The following BBS2 variants were observed in gnomAD, a reference collection of about 807,000 sequenced individuals.
BBS2 encodes BBSome complex member BBS2.
Under a neutral mutation model 83.0 loss-of-function variants are expected in BBS2, and 62 were observed. The observed-to-expected ratio is 0.75, with a 90% CI of 0.61 to 0.92. The LOEUF (loss-of-function observed/expected upper bound fraction) is 0.92. BBS2 is among the 40% of genes least tolerant of loss of function. The pLI, the probability that BBS2 is intolerant of heterozygous loss-of-function variation, is 0.00. For synonymous variants in BBS2, 303 were observed against 326.1 expected (o/e 0.93, Z 0.76); for missense variants, 784 against 901.0 (o/e 0.87, Z 1.66).
At chr16:56,476,200 G>T (rs763170910) in intron 17 of BBS2, 5 of 1,610,926 alleles carry the variant, frequency 3.1e-6, no homozygotes, top group Non-Finnish European at 4.2e-6. Context: ...CATCTATTAT[G>T]AATGACAGCA....
In BBS2 at chr16:56,510,863, T is replaced by C. The variant is rs777187533; in HGVS notation, c.530A>G (p.Lys177Arg). The C allele has an allele frequency of 1.2e-6, 2 of 1,614,136 alleles. No homozygotes were observed. Among genetic ancestry groups the C allele is most frequent in the South Asian group, 2.2e-5 (2 of 91,090 alleles). Reference sequence around the variant, plus strand: ...GATATCTCCTCCCCCACATACCTCTTTCTTTCCATCACCATCAAAGTCACA... The same window carrying C: ...GATATCTCCTCCCCCACATACCTCTCTCTTTCCATCACCATCAAAGTCACA... The part of the protein sequence containing the change: ...ALCDFDGDGK[K>R]ELLVGSEDFD... The change falls in exon 4 of 17, where the codon AAA becomes AGA. Residue 177 changes from lysine to arginine, a missense_variant. Lys to Arg is a conservative substitution (Grantham distance 26). Coordinates refer to ENST00000245157, the MANE Select transcript of BBS2 (RefSeq NM_031885.5).
At chr16:56,486,069 T>C (rs2144096946) in intron 15 of BBS2, among the ~76,000 whole-genome samples, 1 of 152,304 alleles carries the variant, frequency 6.6e-6, no homozygotes, top group African/African-American at 2.4e-5. Context: ...TGAATATTCA[T>C]TAGACTAAAG....
chr16:56,500,726 T>G, intron 11 of BBS2, 128 bp downstream of exon 11: 1 of 931,122 alleles, frequency 1.1e-6, no homozygotes, highest in East Asian at 2.6e-5. Context: ...CATGAGAAAC[T>G]TTGGGTAGAC....
intron 15 of BBS2, among the ~76,000 whole-genome samples, chr16:56,490,825 G>A (rs1963929438): frequency 6.6e-6 from 1 of 151,018 alleles, no homozygotes; most frequent in African/African-American, 2.4e-5. Context: ...GCAGTGGTGC[G>A]ATCTCAGCTC....
intron 4 of BBS2, 76 bp downstream of exon 4, chr16:56,510,783 G>T: frequency 1.3e-6 from 2 of 1,498,794 alleles, no homozygotes; most frequent in Non-Finnish European, 1.9e-6. Context: ...TTACACTTCT[G>T]TCAACACTAA....
At chr16:56,475,559 T>G in intron 17 of BBS2, 1 of 1,613,874 alleles carries the variant, frequency 6.2e-7, no homozygotes, top group Non-Finnish European at 8.5e-7. Flanking sequence ...AAGGTGAAGA[T>G]GAAGAGGTAA....
intron 17 of BBS2, among the ~76,000 whole-genome samples, chr16:56,475,799 A>T (rs79204166): frequency 6.6e-6 from 1 of 152,242 alleles, no homozygotes. Context: ...CATGTGGTGC[A>T]TTCCCACAAA....
In BBS2 at chr16:56,519,884, G is replaced by A. The variant is rs528287127; in HGVS notation, c.-22C>T. 80 of 1,594,318 alleles carry A rather than the reference G, an allele frequency of 5.0e-5. No homozygotes were observed. The South Asian group carries it at 8.5e-4, about 17-fold the overall frequency. On this transcript the variant is annotated 5_prime_UTR_variant, in exon 1 of 17. Coordinates refer to ENST00000245157, the MANE Select transcript of BBS2 (RefSeq NM_031885.5). ...GCATGATGGCGGCGGCTTAGGGGAGGAGGGCTGGAAGCTGGAGACAAGCGC... is the reference window on the plus strand; with the variant it reads ...GCATGATGGCGGCGGCTTAGGGGAGAAGGGCTGGAAGCTGGAGACAAGCGC...
Position 56,519,914 on chromosome 16 carries a change from G to C in BBS2, c.-52C>G, listed in dbSNP as rs374119606. The stretch of plus-strand genomic sequence containing the variant: ...CTGGAAGCTGGAGACAAGCGCAGCG[G>C]AGCTGGCCTCACGCGCCCGGGCAAG... On this transcript the variant is annotated 5_prime_UTR_variant, in exon 1 of 17. Transcript: ENST00000245157. 1.3e-5 allele frequency: 20 copies of C among 1,509,414 alleles called. No homozygotes were observed. Among genetic ancestry groups the C allele is most frequent in the Non-Finnish European group, 1.7e-5 (19 of 1,087,054 alleles). 93.5% of individuals were successfully genotyped at this position (1,509,414 alleles called of 1,614,324 possible). A position where few individuals can be genotyped will look rare whatever the true frequency, so the allele number is the denominator to read the frequency against.
chr16:56,488,274 C>T (rs1963843304), intron 15 of BBS2, among the ~76,000 whole-genome samples: 1 of 152,108 alleles, frequency 6.6e-6, no homozygotes, highest in South Asian at 2.1e-4. Context: ...CACGATTCCC[C>T]CGGAGACACT....
intron 11 of BBS2, 166 bp downstream of exon 11, chr16:56,500,688 C>T: frequency 1.8e-6 from 1 of 564,398 alleles, no homozygotes; most frequent in Non-Finnish European, 3.1e-6. Flanking sequence ...TTTCTTTTTA[C>T]AGGTTTCAAA....
rs202054876 is a variant in BBS2 at position 56,484,802 on chromosome 16, T to A, written c.2125A>T (p.Thr709Ser). 32 of 1,614,094 alleles carry A rather than the reference T, an allele frequency of 2.0e-5. No homozygotes were observed. The East Asian group carries it at 6.9e-4, about 35-fold the overall frequency. Residue 709 changes from threonine to serine, a missense_variant, in exon 17 of 17, where the codon ACA (threonine) becomes TCA (serine). By Grantham distance (58) the Thr-to-Ser change is moderately conservative (BLOSUM62 1). Coordinates refer to ENST00000245157, the MANE Select transcript of BBS2 (RefSeq NM_031885.5). Reference sequence around the variant, plus strand: ...CCCACTCGCATGATTTTGAACAGTGTGTTGATGTTATTGCTTCGAATTGCA... The same window carrying A: ...CCCACTCGCATGATTTTGAACAGTGAGTTGATGTTATTGCTTCGAATTGCA... ...RDAIRSNNIN[T>S]LFKIMRVGTA...
In BBS2 at chr16:56,474,782, A is replaced by T. The variant is rs753873728; in HGVS notation, c.*1-4087T>A. Reference sequence around the variant, plus strand: ...GATTCCCTTGCAATCCAACAGTTCTATCAAGGTTATTTTTTAAAGTTTCTC... The same window carrying T: ...GATTCCCTTGCAATCCAACAGTTCTTTCAAGGTTATTTTTTAAAGTTTCTC... On this transcript the variant is annotated intron_variant, in intron 17 of 17. Coordinates refer to the BBS2 transcript ENST00000682047. The T allele has an allele frequency of 1.1e-5, 17 of 1,538,622 alleles. No individual in the cohort carries two copies. The East Asian group carries it at 3.6e-4, about 33-fold the overall frequency.
rs1258790581 is a variant in BBS2, at chr16:56,511,018, T to C, written c.472-97A>G. ...AGGAGAGGATTACACAAAACACGAATGAATGCTATTCGAATTATTCATATC... is the reference window on the plus strand; with the variant it reads ...AGGAGAGGATTACACAAAACACGAACGAATGCTATTCGAATTATTCATATC... On this transcript the variant is annotated intron_variant, in intron 3 of 16. Coordinates refer to ENST00000245157, the MANE Select transcript of BBS2 (RefSeq NM_031885.5). 4.5e-6 allele frequency: 7 copies of C among 1,561,260 alleles called. No individual in the cohort carries two copies. The African/African-American group carries it at 8.1e-5, about 18-fold the overall frequency.
At chr16:56,475,955 A>G in intron 17 of BBS2, 2 of 1,212,012 alleles carry the variant, frequency 1.7e-6, no homozygotes, top group Non-Finnish European at 2.3e-6. Flanking sequence ...TAAGTGCTTG[A>G]TATGGAAACC....
Position 56,499,778 on chromosome 16 carries a change from C to T in BBS2, c.1527G>A (p.Arg509=). 6.2e-7 allele frequency: 1 copy of T among 1,614,026 alleles called. No homozygotes were observed. The highest frequency in any genetic ancestry group is 8.5e-7 in the Non-Finnish European group (1 of 1,179,958). Residue 509 remains arginine (R), a splice_region_variant and synonymous_variant, in exon 12 of 17, where the codon AGG becomes AGA. Transcript: ENST00000245157. ...VNFTIAERAQ[R]VVVWLGQNFL... is the part of the protein sequence containing the mutation. ...TGAAAGAGAAAAGCGAGATACTCAC[C>T]CTCTGTGCCCGTTCTGCAATGGTAA... is the stretch of plus-strand genomic sequence containing the variant.
chr16:56,494,221 G>C (rs974044898), intron 15 of BBS2, among the ~76,000 whole-genome samples: 2 of 146,460 alleles, frequency 1.4e-5, no homozygotes, highest in Non-Finnish European at 3.0e-5. Context: ...TCCCACCTCA[G>C]CATCGCAAAG....
chr16:56,476,904 C>G (rs1023635433), intron 17 of BBS2: 10 of 152,168 alleles, frequency 6.6e-5, no homozygotes, highest in African/African-American at 2.2e-4. Context: ...CCAAGGCAGG[C>G]GGATCACCTG....
intron 17 of BBS2, chr16:56,474,788 G>T: frequency 6.4e-7 from 1 of 1,568,782 alleles, no homozygotes; most frequent in Non-Finnish European, 8.7e-7. Context: ...TTCTATCAAG[G>T]TTATTTTTTA....
Sources: gnomAD v4.1 joint callset for allele counts (sites outside exome capture counted in the v4.1 genomes callset) on GRCh38, gnomAD v4.1.1 for gene constraint, MANE v1.5 for transcripts, NCBI Gene and HGNC (gene_info 2026-07-23, HGNC 2026-07-21) for gene names.